Variants in ARMC8 observed in about 807,000 individuals in gnomAD.
The protein encoded by ARMC8 is armadillo repeat containing 8.
ARMC8 carries 20 observed loss-of-function variants against 99.3 expected under a neutral mutation model. The observed-to-expected ratio is 0.20, with a 90% CI of 0.14 to 0.29. The LOEUF (loss-of-function observed/expected upper bound fraction) is 0.29, where lower values mean the gene tolerates loss of function less well. ARMC8 is among the 10% of genes least tolerant of loss of function. The pLI, the probability that ARMC8 is intolerant of heterozygous loss-of-function variation, is 1.00. For missense variants in ARMC8, 569 were observed against 809.5 expected, an observed-to-expected ratio of 0.70 and a Z score of 3.60; for synonymous variants, 263 against 278.3, an observed-to-expected ratio of 0.95 and a Z score of 0.55.
intron 19 of ARMC8, 61 bp from the exon 20 acceptor site, chr3:138,288,984 CAAA>C: frequency 7.4e-7 from 1 of 1,353,102 alleles, no homozygotes; most frequent in Non-Finnish European, 1.0e-6. Flanking sequence ...TAGGTCCCCC[CAAA>C]AAAAAATCTA....
chr3:138,272,174 C>G (rs928270630), intron 16 of ARMC8, among the ~76,000 whole-genome samples: 1 of 152,160 alleles, frequency 6.6e-6, no homozygotes, highest in Admixed American at 6.5e-5. Flanking sequence ...CTGTGTGATA[C>G]AGCCCAGCCA....
At chr3:138,289,332 C>CT (rs1475979603) in intron 20 of ARMC8, among the ~76,000 whole-genome samples, 1 of 152,120 alleles carries the variant, frequency 6.6e-6, no homozygotes, top group Non-Finnish European at 1.5e-5. Context: ...GGAGCCAACT[C>CT]TATACCAGAT....
chr3:138,209,637 G>C (rs1259396204), intron 1 of ARMC8, among the ~76,000 whole-genome samples, 180 bp from the exon 2 acceptor site: 7 of 152,120 alleles, frequency 4.6e-5, no homozygotes, highest in African/African-American at 1.7e-4. Context: ...TGATACCTGA[G>C]AGAGAAAAGT....
chr3:138,230,370 G>C (rs934580874), intron 6 of ARMC8, among the ~76,000 whole-genome samples: 1 of 152,158 alleles, frequency 6.6e-6, no homozygotes, highest in African/African-American at 2.4e-5. Context: ...TTTTTCAGGG[G>C]CTGGGTGCAG....
Position 138,245,141 on chromosome 3 carries a change from C to T in ARMC8, c.1092C>T (p.Leu364=), listed in dbSNP as rs368120744. ...AACTCCGCCAGGCTGCATTCAAGCT[C>T]TATGCCTCTCTTGGAGCAAATGATG... ...AHELRQAAFK[L]YASLGANDED... The change falls in exon 12 of 22, where the codon CTC becomes CTT. Residue 364 remains leucine, a synonymous_variant. Transcript: ENST00000469044. 6.2e-7 allele frequency: 1 copy of T among 1,614,178 alleles called. No homozygotes were observed. The highest frequency in any genetic ancestry group is 2.2e-5 in the East Asian group (1 of 44,884).
intron 2 of ARMC8, among the ~76,000 whole-genome samples, chr3:138,221,490 TAATA>T (rs1306652572): frequency 1.3e-5 from 2 of 151,832 alleles, no homozygotes; most frequent in African/African-American, 4.8e-5. Context: ...TTGTAAGAAA[TAATA>T]TATAAAGAAG....
chr3:138,204,772 A>G (rs989294519), intron 1 of ARMC8, among the ~76,000 whole-genome samples: 1 of 151,962 alleles, frequency 6.6e-6, no homozygotes, highest in African/African-American at 2.4e-5. Flanking sequence ...TTGTTTGACT[A>G]CTCCAGAGCA....
At chr3:138,232,536 A>G (rs568751275) in intron 6 of ARMC8, among the ~76,000 whole-genome samples, 1 of 152,328 alleles carries the variant, frequency 6.6e-6, no homozygotes, top group South Asian at 2.1e-4. Flanking sequence ...GCACATGGGT[A>G]TACACTGAAA....
chr3:138,204,201 C>G (rs906799325), intron 1 of ARMC8, among the ~76,000 whole-genome samples: 1 of 152,108 alleles, frequency 6.6e-6, no homozygotes, highest in Non-Finnish European at 1.5e-5. Flanking sequence ...TCAAGCGATT[C>G]TTGTGCCTCA....
chr3:138,256,557 C>A (rs2047419787), intron 12 of ARMC8, among the ~76,000 whole-genome samples: 1 of 151,920 alleles, frequency 6.6e-6, no homozygotes, highest in Non-Finnish European at 1.5e-5. Context: ...ACTATAGGCG[C>A]CCGCCACAGC....
chr3:138,223,422 C>T lies in ARMC8; in HGVS notation c.228C>T (p.Ser76=), dbSNP rs767781229. 1 of 1,614,114 alleles carries T rather than the reference C, an allele frequency of 6.2e-7. No homozygotes were observed. The highest frequency in any genetic ancestry group is 8.5e-7 in the Non-Finnish European group (1 of 1,180,006). The part of the protein sequence containing the change: ...LLYLLQQETS[S]TELKTECAVV... ...ACTTGCTTCAGCAAGAAACCTCAAGCACAGAGCTGAAAACTGAATGTGCAG... is the reference window on the plus strand; with the variant it reads ...ACTTGCTTCAGCAAGAAACCTCAAGTACAGAGCTGAAAACTGAATGTGCAG... Residue 76 remains serine (S), a synonymous_variant, in exon 4 of 22, where the codon AGC becomes AGT. Coordinates refer to ENST00000469044, the MANE Select transcript of ARMC8 (RefSeq NM_001363941.2).
intron 10 of ARMC8, among the ~76,000 whole-genome samples, chr3:138,241,029 G>A (rs1349038393): frequency 6.6e-6 from 1 of 152,110 alleles, no homozygotes; most frequent in Non-Finnish European, 1.5e-5. Flanking sequence ...CAGCCTGGGC[G>A]ACAGAGCGAG....
chr3:138,189,097 C>T (rs768782655), intron 1 of ARMC8, among the ~76,000 whole-genome samples: 4 of 152,074 alleles, frequency 2.6e-5, no homozygotes, highest in Non-Finnish European at 4.4e-5. Context: ...CTTCAGTTCA[C>T]CTGAAGTTTA....
intron 12 of ARMC8, among the ~76,000 whole-genome samples, chr3:138,247,775 A>C (rs1268587559): frequency 6.6e-6 from 1 of 152,248 alleles, no homozygotes; most frequent in Non-Finnish European, 1.5e-5. Context: ...TTTGGGCCAG[A>C]GAATATTAAG....
intron 12 of ARMC8, among the ~76,000 whole-genome samples, chr3:138,255,068 A>G (rs1483623546): frequency 6.6e-6 from 1 of 152,120 alleles, no homozygotes; most frequent in Admixed American, 6.5e-5. Context: ...AGTACCTTCA[A>G]GAGAAAGGAT....
chr3:138,231,808 G>T (rs937601192), intron 6 of ARMC8, among the ~76,000 whole-genome samples: 16 of 151,608 alleles, frequency 1.1e-4, no homozygotes, highest in African/African-American at 3.9e-4. Context: ...AGACCATGAG[G>T]ACTTAGGTGC....
intron 9 of ARMC8, chr3:138,238,396 A>T (rs1250456802): frequency 6.6e-6 from 1 of 152,214 alleles, no homozygotes; most frequent in African/African-American, 2.4e-5. Context: ...TTTCTGGCTC[A>T]TGTAAGCATT....
intron 12 of ARMC8, among the ~76,000 whole-genome samples, chr3:138,251,169 A>C (rs1235610073): frequency 1.3e-5 from 2 of 151,690 alleles, no homozygotes; most frequent in African/African-American, 4.8e-5. Context: ...CCTGTCTCAA[A>C]AAAAAAAAAA....
At chr3:138,235,200 A>G in intron 7 of ARMC8, 86 bp downstream of exon 7, 1 of 950,972 alleles carries the variant, frequency 1.1e-6, no homozygotes. Context: ...TGTTTCTTTG[A>G]TAATTGTGAT....
Sources: gnomAD v4.1 joint callset for allele counts (sites outside exome capture counted in the v4.1 genomes callset) on GRCh38, gnomAD v4.1.1 for gene constraint, MANE v1.5 for transcripts, NCBI Gene and HGNC (gene_info 2026-07-23, HGNC 2026-07-21) for gene names.